Variants in BRD10 observed in about 807,000 individuals in gnomAD.
BRD10 encodes uncharacterized bromodomain-containing protein 10.
At chr9:5,975,258 A>C in the BRD10 span, among the ~76,000 whole-genome samples, 1 of 151,604 alleles carries the variant, frequency 6.6e-6, no homozygotes, top group Non-Finnish European at 1.5e-5. Context: ...CAACATGGTG[A>C]AACTCTGTCT....
chr9:5,974,267 C>T, the BRD10 span, among the ~76,000 whole-genome samples: 1 of 152,146 alleles, frequency 6.6e-6, no homozygotes, highest in Non-Finnish European at 1.5e-5. Flanking sequence ...CAAACTAGAA[C>T]TGCATAACCA....
the BRD10 span, chr9:5,968,878 C>T: frequency 6.2e-7 from 1 of 1,613,170 alleles, no homozygotes; most frequent in Non-Finnish European, 8.5e-7. Context: ...CATGGATAGG[C>T]TGTCCAAGTA....
the BRD10 span, among the ~76,000 whole-genome samples, chr9:5,882,972 A>T: frequency 2.6e-5 from 4 of 152,250 alleles, no homozygotes; most frequent in South Asian, 8.3e-4. Context: ...GAACACTTGG[A>T]CACAGGAAGG....
the BRD10 span, among the ~76,000 whole-genome samples, chr9:5,971,838 A>G: frequency 3.3e-5 from 5 of 152,146 alleles, no homozygotes; most frequent in Non-Finnish European, 1.5e-5. Flanking sequence ...ATACTAGAAA[A>G]AAGTCCCTTC....
At chr9:5,982,398 T>G in the BRD10 span, among the ~76,000 whole-genome samples, 1 of 152,166 alleles carries the variant, frequency 6.6e-6, no homozygotes, top group African/African-American at 2.4e-5. Flanking sequence ...AAACTCGTGT[T>G]GAAATTTAAT....
At chr9:5,925,496 C>A in the BRD10 span, among the ~76,000 whole-genome samples, 3 of 151,450 alleles carry the variant, frequency 2.0e-5, no homozygotes, top group Non-Finnish European at 4.4e-5. Flanking sequence ...AATTTTTTTT[C>A]TAGCTGCACT....
chr9:5,995,683 C>T, the BRD10 span, among the ~76,000 whole-genome samples: 1 of 152,176 alleles, frequency 6.6e-6, no homozygotes, highest in African/African-American at 2.4e-5. Context: ...TTTCTATACC[C>T]TATCTGGTCA....
chr9:5,907,072 T>C, the BRD10 span: 1 of 1,039,216 alleles, frequency 9.6e-7, no homozygotes, highest in South Asian at 1.8e-5. Flanking sequence ...ATTATTTCCA[T>C]TTAAAAAGCA....
chr9:5,914,857 T>C, the BRD10 span, among the ~76,000 whole-genome samples: 1 of 152,156 alleles, frequency 6.6e-6, no homozygotes, highest in African/African-American at 2.4e-5. Flanking sequence ...TAATTGAATT[T>C]TGTACGATCA....
the BRD10 span, among the ~76,000 whole-genome samples, chr9:5,885,490 C>G: frequency 1.1e-4 from 16 of 152,118 alleles, no homozygotes; most frequent in Admixed American, 5.9e-4. Context: ...CCTACCTCAG[C>G]CTCCTGAGTA....
chr9:6,008,053 G>A, the BRD10 span: 1 of 1,133,192 alleles, frequency 8.8e-7, no homozygotes, highest in Non-Finnish European at 1.1e-6. Context: ...CGGCGGCGGC[G>A]CGCGCACGGC....
At chr9:6,007,960 C>T in the BRD10 span, 1 of 1,296,702 alleles carries the variant, frequency 7.7e-7, no homozygotes, top group Non-Finnish European at 9.7e-7. Flanking sequence ...CTTGAGCTCA[C>T]CGCCGGCGGG....
chr9:5,925,660 T>C, the BRD10 span, among the ~76,000 whole-genome samples: 3 of 152,192 alleles, frequency 2.0e-5, no homozygotes, highest in Non-Finnish European at 4.4e-5. Context: ...AGTAATTGTA[T>C]CTAAACCTTT....
chr9:5,888,591 C>A, the BRD10 span, among the ~76,000 whole-genome samples: 1 of 152,134 alleles, frequency 6.6e-6, no homozygotes, highest in African/African-American at 2.4e-5. Flanking sequence ...GAACTGCTAA[C>A]GAATGTACAG....
the BRD10 span, among the ~76,000 whole-genome samples, chr9:6,003,241 T>A: frequency 6.6e-6 from 1 of 152,214 alleles, no homozygotes; most frequent in African/African-American, 2.4e-5. Context: ...GTGATGCATC[T>A]TTTCTAATGA....
the BRD10 span, among the ~76,000 whole-genome samples, chr9:5,997,875 C>T: frequency 6.6e-6 from 1 of 152,038 alleles, no homozygotes; most frequent in African/African-American, 2.4e-5. Context: ...AAAGAAGATA[C>T]ACAAAAAGTA....
At chr9:5,955,527 A>G in the BRD10 span, among the ~76,000 whole-genome samples, 1 of 152,166 alleles carries the variant, frequency 6.6e-6, no homozygotes, top group Non-Finnish European at 1.5e-5. Context: ...ATTCCAGTTT[A>G]TAATTTGTTT....
At chr9:5,997,790 C>G in the BRD10 span, among the ~76,000 whole-genome samples, 1 of 152,176 alleles carries the variant, frequency 6.6e-6, no homozygotes, top group Non-Finnish European at 1.5e-5. Flanking sequence ...ATTAACTAAG[C>G]ACTTATAGGT....
the BRD10 span, among the ~76,000 whole-genome samples, chr9:5,988,013 T>A: frequency 6.6e-6 from 1 of 152,204 alleles, no homozygotes; most frequent in African/African-American, 2.4e-5. Context: ...GAGATTCTCC[T>A]GATTTTAAAG....
Sources: gnomAD v4.1 joint callset for allele counts (sites outside exome capture counted in the v4.1 genomes callset) on GRCh38, gnomAD v4.1.1 for gene constraint, MANE v1.5 for transcripts, NCBI Gene and HGNC (gene_info 2026-07-23, HGNC 2026-07-21) for gene names.